The following PRDX3 variants were observed in gnomAD, a reference collection of about 807,000 sequenced individuals.
The protein encoded by PRDX3 is peroxiredoxin 3.
Under a neutral mutation model 30.4 loss-of-function variants are expected in PRDX3, and 20 were observed. The observed-to-expected ratio is 0.66, with a 90% CI of 0.46 to 0.96. PRDX3 has a LOEUF of 0.96. PRDX3 is among the 40% of genes least tolerant of loss of function. The pLI, the probability that PRDX3 is intolerant of heterozygous loss-of-function variation, is 0.00. For missense variants in PRDX3, 322 were observed against 318.3 expected, an observed-to-expected ratio of 1.01 and a Z score of -0.09; for synonymous variants, 124 against 117.8, an observed-to-expected ratio of 1.05 and a Z score of -0.34.
chr10:119,173,021 C>G (rs1480430069), intron 4 of PRDX3, among the ~76,000 whole-genome samples: 1 of 152,148 alleles, frequency 6.6e-6, no homozygotes. Flanking sequence ...TCATGGCAAC[C>G]ACCGCCTCCT....
intron 1 of PRDX3, 148 bp downstream of exon 1, chr10:119,178,607 G>A (rs1848103075): frequency 9.9e-7 from 1 of 1,012,112 alleles, no homozygotes; most frequent in African/African-American, 1.6e-5. Context: ...GAACCTTCCC[G>A]GAGGGAGGCC....
At chr10:119,171,315 C>T (rs1847902289) in intron 5 of PRDX3, among the ~76,000 whole-genome samples, 1 of 151,982 alleles carries the variant, frequency 6.6e-6, no homozygotes, top group South Asian at 2.1e-4. Flanking sequence ...GCTGGCATTA[C>T]AGGCCTGAGC....
chr10:119,168,255 C>A lies in PRDX3; in HGVS notation c.*225G>T. 1.2e-6 allele frequency: 1 copy of A among 840,000 alleles called. No individual in the cohort carries two copies. Among genetic ancestry groups the A allele is most frequent in the Non-Finnish European group, 1.7e-6 (1 of 585,076 alleles). 52.0% of individuals were successfully genotyped at this position (840,000 alleles called of 1,614,324 possible). A position where few individuals can be genotyped will look rare whatever the true frequency, so the allele number is the denominator to read the frequency against. On this transcript the variant is annotated 3_prime_UTR_variant, in exon 7 of 7. Transcript: ENST00000298510. Reference sequence around the variant, plus strand: ...ATTATGTTCTGTAGAAACTAGCTAGCCAGCCACCAAGATGTTACCAATAAA... The same window carrying A: ...ATTATGTTCTGTAGAAACTAGCTAGACAGCCACCAAGATGTTACCAATAAA...
chr10:119,174,659 A>G (rs1367131140), intron 2 of PRDX3, 67 bp from the exon 3 acceptor site: 2 of 1,419,748 alleles, frequency 1.4e-6, no homozygotes, highest in East Asian at 4.9e-5. Context: ...GATTTTATTT[A>G]AACTTCTCAT....
chr10:119,171,482 C>A (rs542119339), intron 5 of PRDX3, among the ~76,000 whole-genome samples: 3 of 152,252 alleles, frequency 2.0e-5, no homozygotes, highest in Non-Finnish European at 4.4e-5. Context: ...CTTCAAGATG[C>A]CAATTCTAAG....
chr10:119,177,000 A>G, intron 2 of PRDX3, 21 bp downstream of exon 2: 1 of 1,613,772 alleles, frequency 6.2e-7, no homozygotes, highest in Non-Finnish European at 8.5e-7. Flanking sequence ...GGCTCCAGCC[A>G]AGACATGACA....
rs370598192 is a variant in PRDX3 at position 119,173,804 on chromosome 10, C to T, written c.380G>A (p.Cys127Tyr). The T allele has an allele frequency of 2.5e-6, 4 of 1,612,624 alleles. No homozygotes were observed. Among genetic ancestry groups the T allele is most frequent in the African/African-American group, 1.3e-5 (1 of 74,900 alleles). ...DKANEFHDVN[C>Y]EVVAVSVDSH... ...ATCCACTGAGACTGCGACAACTTCA[C>T]AGTTCACGTCGTGAAATTCGTTAGC... is the stretch of plus-strand genomic sequence containing the variant. Residue 127 changes from cysteine (C) to tyrosine (Y), a missense_variant, in exon 4 of 7, where the codon TGT becomes TAT. Transcript: ENST00000298510.
Position 119,168,376 on chromosome 10 carries a change from A to G in PRDX3, c.*104T>C. On this transcript the variant is annotated 3_prime_UTR_variant, in exon 7 of 7. Coordinates refer to ENST00000298510, the MANE Select transcript of PRDX3 (RefSeq NM_006793.5). ...AGTAATACTTATGAATACAAGCATA[A>G]TTGGTTCCTTGCCTTCTACAAATAA... The G allele has an allele frequency of 1.9e-6, 3 of 1,570,480 alleles. No homozygotes were observed. The highest frequency in any genetic ancestry group is 2.6e-6 in the Non-Finnish European group (3 of 1,164,178).
At chr10:119,169,502 T>C (rs1439850587) in intron 5 of PRDX3, 160 bp from the exon 6 acceptor site, 6 of 615,004 alleles carry the variant, frequency 9.8e-6, no homozygotes, top group Non-Finnish European at 1.7e-5. Context: ...AAAAAACTTA[T>C]CATCTCTTAC....
intron 2 of PRDX3, among the ~76,000 whole-genome samples, chr10:119,176,687 C>G (rs2133664768): frequency 6.6e-6 from 1 of 152,328 alleles, no homozygotes; most frequent in East Asian, 1.9e-4. Context: ...CCACCACTCA[C>G]AGCTCTTCAG....
chr10:119,174,964 A>T (rs1306602864), intron 2 of PRDX3, among the ~76,000 whole-genome samples: 1 of 152,198 alleles, frequency 6.6e-6, no homozygotes, highest in Non-Finnish European at 1.5e-5. Context: ...CTTTGTGTTC[A>T]GTATAGACAC....
At chr10:119,178,405 A>C (rs542940246) in intron 1 of PRDX3, among the ~76,000 whole-genome samples, 1 of 152,364 alleles carries the variant, frequency 6.6e-6, no homozygotes, top group South Asian at 2.1e-4. Flanking sequence ...TGTAGGCATC[A>C]TTCTTTCCAT....
chr10:119,175,495 A>C (rs1161337823), intron 2 of PRDX3, among the ~76,000 whole-genome samples: 1 of 152,218 alleles, frequency 6.6e-6, no homozygotes, highest in Non-Finnish European at 1.5e-5. Flanking sequence ...TCCTGGGTTC[A>C]CGCCATTCTC....
At chr10:119,177,197 G>A in intron 1 of PRDX3, 44 bp from the exon 2 acceptor site, 2 of 1,603,910 alleles carry the variant, frequency 1.2e-6, no homozygotes, top group Non-Finnish European at 1.7e-6. Flanking sequence ...CTGGACTGGT[G>A]ACTGAAGGCT....
rs1288100999 is a variant in PRDX3 at position 119,173,831 on chromosome 10, T to C, written c.353A>G (p.Lys118Arg). The change falls in exon 4 of 7, where the codon AAA becomes AGA. Residue 118 changes from lysine to arginine, a missense_variant. Transcript: ENST00000298510. ...CPTEIVAFSD[K>R]ANEFHDVNCE... ...GTTCACGTCGTGAAATTCGTTAGCT[T>C]TGTCACTAAAAGCAACAATTTCTGT... 1.1e-5 allele frequency: 17 copies of C among 1,612,062 alleles called. No homozygotes were observed. Among genetic ancestry groups the C allele is most frequent in the Non-Finnish European group, 1.4e-5 (17 of 1,178,458 alleles).
chr10:119,171,082 C>G (rs540106235), intron 5 of PRDX3: 1 of 153,356 alleles, frequency 6.5e-6, no homozygotes, highest in African/African-American at 2.4e-5. Context: ...GCTCTGTCGC[C>G]CAGGCTGGAG....
intron 6 of PRDX3, 105 bp downstream of exon 6, chr10:119,169,072 G>T: frequency 3.4e-6 from 4 of 1,178,806 alleles, no homozygotes; most frequent in African/African-American, 1.5e-5. Context: ...CATATCATCT[G>T]CACGCTTGCT....
At position 119,173,791 on chromosome 10, in the gene PRDX3, T is replaced by C; in HGVS notation, c.393A>G (p.Ala131=). The C allele has an allele frequency of 6.2e-7, 1 of 1,612,802 alleles. No homozygotes were observed. The highest frequency in any genetic ancestry group is 1.3e-5 in the African/African-American group (1 of 75,004). ...EFHDVNCEVV[A]VSVDSHFSHL... is the part of the protein sequence containing the mutation. ...GGCTAAAGTGGGAATCCACTGAGACTGCGACAACTTCACAGTTCACGTCGT... is the reference window on the plus strand; with the variant it reads ...GGCTAAAGTGGGAATCCACTGAGACCGCGACAACTTCACAGTTCACGTCGT... The change falls in exon 4 of 7, where the codon GCA becomes GCG. Residue 131 remains alanine (A), a synonymous_variant. Transcript: ENST00000298510.
At chr10:119,176,929 T>C in intron 2 of PRDX3, 92 bp downstream of exon 2, 1 of 1,523,388 alleles carries the variant, frequency 6.6e-7, no homozygotes, top group Non-Finnish European at 8.9e-7. Flanking sequence ...CAGGTGACTC[T>C]AACGTTTGGC....
Sources: gnomAD v4.1 joint callset for allele counts (sites outside exome capture counted in the v4.1 genomes callset) on GRCh38, gnomAD v4.1.1 for gene constraint, MANE v1.5 for transcripts, NCBI Gene and HGNC (gene_info 2026-07-23, HGNC 2026-07-21) for gene names.